The following TRIP12 variants were observed in gnomAD, a reference collection of about 807,000 sequenced individuals.
TRIP12 encodes the protein thyroid hormone receptor interactor 12, also known as E3 ubiquitin-protein ligase TRIP12.
A neutral mutation model predicts 244.2 loss-of-function variants in TRIP12; 25 were observed. That is an observed-to-expected ratio of 0.10 (90% confidence interval 0.07 to 0.14). The LOEUF is 0.14. Among genes scored for constraint, TRIP12 ranks in the 10% least tolerant of loss-of-function variants. TRIP12 has a pLI of 1.00. For synonymous variants in TRIP12, 905 were observed against 873.1 expected, an observed-to-expected ratio of 1.04 and a Z score of -0.64; for missense variants, 1,677 against 2,486.4, an observed-to-expected ratio of 0.67 and a Z score of 6.92.
chr2:229,872,006 G>T (rs181620006), intron 2 of TRIP12, among the ~76,000 whole-genome samples: 1 of 142,952 alleles, frequency 7.0e-6, no homozygotes, highest in Non-Finnish European at 1.5e-5. Flanking sequence ...ACCAAATGAT[G>T]AAAGGAGTGA....
At chr2:229,877,221 T>C (rs2063762810) in intron 2 of TRIP12, among the ~76,000 whole-genome samples, 1 of 151,944 alleles carries the variant, frequency 6.6e-6, no homozygotes, top group Non-Finnish European at 1.5e-5. Context: ...TCTCTAAAAA[T>C]AAAATAAAAA....
At chr2:229,800,933 G>A (rs1300552368) in intron 21 of TRIP12, among the ~76,000 whole-genome samples, 1 of 152,144 alleles carries the variant, frequency 6.6e-6, no homozygotes, top group South Asian at 2.1e-4. Flanking sequence ...AGAAAAAAGG[G>A]AGAAAGGAAA....
chr2:229,847,496 T>A (rs2057804704), intron 4 of TRIP12, among the ~76,000 whole-genome samples: 1 of 152,190 alleles, frequency 6.6e-6, no homozygotes, highest in Non-Finnish European at 1.5e-5. Flanking sequence ...TAATACAGCA[T>A]TAAAACAATC....
upstream of TRIP12, chr2:229,922,534 G>C: frequency 6.2e-7 from 1 of 1,613,946 alleles, no homozygotes; most frequent in Non-Finnish European, 8.5e-7. Flanking sequence ...GGCTGCCGGA[G>C]ACTCTCTTTG....
chr2:229,809,695 C>G (rs947588775), intron 15 of TRIP12, among the ~76,000 whole-genome samples: 15 of 151,838 alleles, frequency 9.9e-5, no homozygotes, highest in African/African-American at 3.6e-4. Context: ...GGAAAGAGCA[C>G]TTTCTTCAGG....
At chr2:229,837,946 A>G (rs968452861) in intron 5 of TRIP12, among the ~76,000 whole-genome samples, 1 of 152,212 alleles carries the variant, frequency 6.6e-6, no homozygotes, top group Admixed American at 6.5e-5. Flanking sequence ...GAAATCAGTA[A>G]GCAAACCAGG....
At chr2:229,915,626 T>TC (rs2075233933) in intron 1 of TRIP12, among the ~76,000 whole-genome samples, 1 of 6,680 alleles carries the variant, frequency 1.5e-4, no homozygotes, top group East Asian at 0.1. Context: ...TTATAAAAGT[T>TC]AAAAAAAGGG....
At chr2:229,850,779 G>C (rs1406138674) in intron 4 of TRIP12, among the ~76,000 whole-genome samples, 1 of 152,230 alleles carries the variant, frequency 6.6e-6, no homozygotes, top group Non-Finnish European at 1.5e-5. Flanking sequence ...GGAGTTCCGG[G>C]TGGGTGTGGG....
At chr2:229,881,855 G>A (rs933077373) in intron 1 of TRIP12, among the ~76,000 whole-genome samples, 8 of 152,164 alleles carry the variant, frequency 5.3e-5, no homozygotes, top group Non-Finnish European at 8.8e-5. Context: ...AACATACTTC[G>A]TTAATAATGA....
intron 2 of TRIP12, among the ~76,000 whole-genome samples, chr2:229,864,043 AGAGAGTGTGTGTGT>A (rs1473250844): frequency 3.2e-4 from 23 of 72,120 alleles, no homozygotes; most frequent in African/African-American, 9.9e-4. Context: ...AGAGAGAGAG[AGAGAGTGTGTGTGT>A]GTGTGTGTGT....
chr2:229,802,930 T>A (rs1036562808), intron 20 of TRIP12, among the ~76,000 whole-genome samples: 3 of 152,000 alleles, frequency 2.0e-5, no homozygotes, highest in Admixed American at 2.0e-4. Context: ...AACTATCACA[T>A]CCTTTAAGGT....
At chr2:229,884,829 G>A (rs898225432) in intron 1 of TRIP12, among the ~76,000 whole-genome samples, 3 of 152,136 alleles carry the variant, frequency 2.0e-5, no homozygotes, top group African/African-American at 7.2e-5. Flanking sequence ...AAATTAGCCA[G>A]GCAGGACGGT....
At chr2:229,847,589 CG>C (rs1468534586) in intron 4 of TRIP12, among the ~76,000 whole-genome samples, 1 of 152,084 alleles carries the variant, frequency 6.6e-6, no homozygotes, top group Admixed American at 6.6e-5. Context: ...CCAGAAATGC[CG>C]GGGCTAAATG....
chr2:229,796,437 T>A (rs927214289), intron 25 of TRIP12, among the ~76,000 whole-genome samples, 154 bp downstream of exon 25: 1 of 152,216 alleles, frequency 6.6e-6, no homozygotes, highest in Non-Finnish European at 1.5e-5. Context: ...TACTTTGATA[T>A]ACAGAAGTTG....
chr2:229,864,037 AGAGAGAGAGAGTGTGT>A lies in TRIP12; in HGVS notation c.99-3522_99-3507del, dbSNP rs1217475259. On this transcript the variant is annotated intron_variant, in intron 2 of 41. Transcript: ENST00000675903. ...GAGAGAGAGAGAGAGAGAGAGAGAG[AGAGAGAGAGAGTGTGT>A]GTGTGTGTGTGTGTGTGTGTGTGTG... 6.0e-3 allele frequency among the ~76,000 whole-genome samples: 519 copies of A among 85,842 alleles called. 4 individuals carry two copies. Among genetic ancestry groups the A allele is most frequent in the African/African-American group, 0.017 (435 of 26,198 alleles). The allele number at this position is 85,842 out of a possible 152,430, so 56.3% of individuals were successfully genotyped here. A position where few individuals can be genotyped will look rare whatever the true frequency, so the allele number is the denominator to read the frequency against.
intron 1 of TRIP12, among the ~76,000 whole-genome samples, chr2:229,910,877 A>G (rs971839606): frequency 6.6e-6 from 1 of 152,230 alleles, no homozygotes; most frequent in Non-Finnish European, 1.5e-5. Flanking sequence ...CAGTTGAGAA[A>G]TAATTAGTAA....
At chr2:229,775,149 T>C (rs1329229123) in intron 37 of TRIP12, among the ~76,000 whole-genome samples, 2 of 152,186 alleles carry the variant, frequency 1.3e-5, no homozygotes, top group Non-Finnish European at 2.9e-5. Flanking sequence ...TAGAATGTTC[T>C]GATTAATTAA....
rs551065138 is a variant in TRIP12 at position 229,778,763 on chromosome 2, T to C, written c.5209+113A>G. 52 of 1,352,410 alleles carry C rather than the reference T, an allele frequency of 3.8e-5. No individual in the cohort carries two copies. The East Asian group carries it at 1.1e-3, about 29-fold the overall frequency. 83.8% of individuals were successfully genotyped at this position (1,352,410 alleles called of 1,614,324 possible). A position where few individuals can be genotyped will look rare whatever the true frequency, so the allele number is the denominator to read the frequency against. On this transcript the variant is annotated intron_variant, in intron 35 of 41. Coordinates refer to ENST00000675903, the MANE Select transcript of TRIP12 (RefSeq NM_001348323.3). The surrounding 1 kb of genome is among the most constrained non-coding windows in gnomAD (Gnocchi z 4.1). ...ATTTGATAAATGAGAAAACAGAGGC[T>C]AAAAGAAAGCAAGTACAGCTGTCCA...
intron 4 of TRIP12, among the ~76,000 whole-genome samples, chr2:229,856,085 A>C (rs185414708): frequency 0.017 from 2,566 of 151,758 alleles, 65 homozygotes; most frequent in African/African-American, 0.059. Flanking sequence ...ATTTTTTTTA[A>C]AAGAATATGT....
Sources: allele counts gnomAD v4.1 joint callset (sites outside exome capture counted in the v4.1 genomes callset), GRCh38; gene constraint gnomAD v4.1.1; non-coding constraint Gnocchi (gnomAD v3.1); transcripts MANE v1.5; gene names NCBI Gene and HGNC (gene_info 2026-07-23, HGNC 2026-07-21).